The following KIF14 variants were observed in gnomAD, a reference collection of about 807,000 sequenced individuals.
KIF14 encodes the protein kinesin family member 14, also known as kinesin-like protein KIF14.
KIF14 carries 98 observed loss-of-function variants against 176.2 expected under a neutral mutation model. The observed-to-expected ratio is 0.56, with a 90% CI of 0.47 to 0.66. KIF14 has a LOEUF of 0.66. KIF14 is among the 30% of genes least tolerant of loss of function. The pLI is 0.00. For missense variants in KIF14, 1,751 were observed against 1,920.4 expected, an observed-to-expected ratio of 0.91 and a Z score of 1.65; for synonymous variants, 566 against 632.2, an observed-to-expected ratio of 0.90 and a Z score of 1.57.
chr1:200,575,372 TCTAA>T (rs1658037712), intron 22 of KIF14, among the ~76,000 whole-genome samples: 1 of 152,164 alleles, frequency 6.6e-6, no homozygotes, highest in Admixed American at 6.5e-5. Flanking sequence ...TGGTTTCTCT[TCTAA>T]CTGACTAATA....
At position 200,553,658 on chromosome 1, in the gene KIF14, A is replaced by G. The variant is rs768837535; in HGVS notation, c.4677T>C (p.Tyr1559=). ...FSVPSTSVGS[Y]ESRVTHIVHQ... Reference sequence around the variant, plus strand: ...GGACAATGTGAGTTACTCTACTCTCATAGCTGCCAACAGAAGTAGAAGGCA... The same window carrying G: ...GGACAATGTGAGTTACTCTACTCTCGTAGCTGCCAACAGAAGTAGAAGGCA... The change falls in exon 30 of 30, where the codon TAT becomes TAC. Residue 1559 remains tyrosine, a synonymous_variant. Coordinates refer to ENST00000367350, the MANE Select transcript of KIF14 (RefSeq NM_014875.3). 6.2e-7 allele frequency: 1 copy of G among 1,614,128 alleles called. No individual in the cohort carries two copies. Among genetic ancestry groups the G allele is most frequent in the Non-Finnish European group, 8.5e-7 (1 of 1,180,004 alleles).
chr1:200,586,763 A>G (rs1376126158), intron 18 of KIF14, among the ~76,000 whole-genome samples: 1 of 140,888 alleles, frequency 7.1e-6, no homozygotes, highest in African/African-American at 2.7e-5. Context: ...ATGGATAAAG[A>G]AAATATGGTG....
At chr1:200,614,720 C>T (rs141629997) in intron 3 of KIF14, among the ~76,000 whole-genome samples, 1,183 of 20,612 alleles carry the variant, frequency 0.057, 13 homozygotes, top group African/African-American at 0.12. Context: ...TTGGGCAACC[C>T]GCTTGGGACC....
intron 13 of KIF14, among the ~76,000 whole-genome samples, chr1:200,599,618 C>A (rs111877242): frequency 6.6e-6 from 1 of 152,196 alleles, no homozygotes; most frequent in African/African-American, 2.4e-5. Context: ...CCATGCTTTA[C>A]CTACAAAAAT....
At chr1:200,577,155 CAAAAA>C (rs35218358) in intron 21 of KIF14, among the ~76,000 whole-genome samples, 11 of 137,620 alleles carry the variant, frequency 8.0e-5, no homozygotes, top group Admixed American at 7.4e-5. Context: ...ACTAAAAATA[CAAAAA>C]AAAAAAAAAA....
At chr1:200,583,504 T>C (rs1658572072) in intron 19 of KIF14, among the ~76,000 whole-genome samples, 2 of 152,196 alleles carry the variant, frequency 1.3e-5, no homozygotes, top group South Asian at 2.1e-4. Context: ...TTGATAATCA[T>C]TGAAGTTGGA....
chr1:200,558,395 C>T (rs1414934587), intron 27 of KIF14, among the ~76,000 whole-genome samples: 1 of 152,196 alleles, frequency 6.6e-6, no homozygotes, highest in Non-Finnish European at 1.5e-5. Context: ...AATGCATGAA[C>T]AATAGTTTTA....
intron 29 of KIF14, 151 bp from the exon 30 acceptor site, chr1:200,553,918 T>G: frequency 1.4e-6 from 1 of 716,328 alleles, no homozygotes; most frequent in Non-Finnish European, 2.2e-6. Flanking sequence ...AAAGTGTTTA[T>G]TTGCTAGATG....
intron 22 of KIF14, among the ~76,000 whole-genome samples, chr1:200,575,045 C>T (rs1469463163): frequency 6.7e-6 from 1 of 150,282 alleles, no homozygotes; most frequent in African/African-American, 2.4e-5. Flanking sequence ...CAAGTTTCGC[C>T]TCCCAGGTTC....
chr1:200,603,749 G>C (rs1291400325), intron 9 of KIF14, 90 bp downstream of exon 9: 1 of 751,168 alleles, frequency 1.3e-6, no homozygotes, highest in Non-Finnish European at 2.3e-6. Context: ...GATATATTTG[G>C]GGAGGTTAAG....
rs1453211876 is a variant in KIF14 at position 200,615,377 on chromosome 1, T to A, written c.1345A>T (p.Thr449Ser). The A allele has an allele frequency of 6.2e-7, 1 of 1,613,292 alleles. No homozygotes were observed. The highest frequency in any genetic ancestry group is 8.5e-7 in the Non-Finnish European group (1 of 1,179,638). Residue 449 changes from threonine (T) to serine (S), a missense_variant, in exon 3 of 30, where the codon ACT (threonine) becomes TCT (serine). Coordinates refer to ENST00000367350, the MANE Select transcript of KIF14 (RefSeq NM_014875.3). ...TACGTATATGATTTTCCAGAGCCAG[T>A]CTGACCATAAGCAAAAAGACAGGTA... ...FNTCLFAYGQ[T>S]GSGKSYTMMG...
rs1052964794 is a variant in KIF14 at position 200,556,493 on chromosome 1, A to G, written c.4354-1039T>C. 1.3e-5 allele frequency among the ~76,000 whole-genome samples: 2 copies of G among 152,184 alleles called. 1 individual carries two copies. The highest frequency in any genetic ancestry group is 4.1e-4 in the South Asian group (2 of 4,830). On this transcript the variant is annotated intron_variant, in intron 27 of 29. Transcript: ENST00000367350. ...TAGATAAACTAAAACCCTACCATGA[A>G]CAACAAAGTACAGGTTTGTCATACT...
At chr1:200,573,503 G>T (rs936863567) in intron 22 of KIF14, among the ~76,000 whole-genome samples, 13 of 137,342 alleles carry the variant, frequency 9.5e-5, no homozygotes, top group African/African-American at 3.4e-4. Flanking sequence ...GCGCAATCTC[G>T]GCTCACTGCA....
intron 11 of KIF14, among the ~76,000 whole-genome samples, chr1:200,600,957 A>G: frequency 6.6e-6 from 1 of 151,882 alleles, no homozygotes; most frequent in African/African-American, 2.4e-5. Context: ...ATCTCGGCTC[A>G]TTGCAACCTC....
At chr1:200,612,886 T>C (rs1660225710) in intron 4 of KIF14, among the ~76,000 whole-genome samples, 2 of 118,762 alleles carry the variant, frequency 1.7e-5, no homozygotes, top group African/African-American at 5.9e-5. Context: ...ATTCTCTTTT[T>C]TTTTTTTTTT....
intron 2 of KIF14, among the ~76,000 whole-genome samples, chr1:200,616,135 C>T (rs904405697): frequency 5.3e-5 from 8 of 152,170 alleles, no homozygotes; most frequent in African/African-American, 1.9e-4. Context: ...TATCCTTTTT[C>T]CCTTTGAGAC....
rs922034085 is a variant in KIF14 at position 200,561,299 on chromosome 1, C to T, written c.4072-419G>A. 3.4e-5 allele frequency among the ~76,000 whole-genome samples: 5 copies of T among 148,808 alleles called. 1 individual carries two copies. Among genetic ancestry groups the T allele is most frequent in the South Asian group, 4.3e-4 (2 of 4,676 alleles). On this transcript the variant is annotated intron_variant, in intron 25 of 29. Transcript: ENST00000367350. ...CTCATGCCTGTAATCTCAGCACTTT[C>T]GGAGGCCGAGGCAGGCAGATCACAA...
chr1:200,581,353 T>A, intron 19 of KIF14, 59 bp from the exon 20 acceptor site: 1 of 860,508 alleles, frequency 1.2e-6, no homozygotes, highest in South Asian at 1.9e-5. Context: ...ACATATACCA[T>A]TAGGCAAAAC....
chr1:200,560,143 G>A (rs565912349), intron 26 of KIF14, among the ~76,000 whole-genome samples: 2 of 152,152 alleles, frequency 1.3e-5, no homozygotes, highest in Non-Finnish European at 2.9e-5. Flanking sequence ...GTATTACAAC[G>A]TTTTTTCATG....
Sources: allele counts gnomAD v4.1 joint callset (sites outside exome capture counted in the v4.1 genomes callset), GRCh38; gene constraint gnomAD v4.1.1; transcripts MANE v1.5; gene names NCBI Gene and HGNC (gene_info 2026-07-23, HGNC 2026-07-21).